BRDT: variants seen among roughly 807,000 people sequenced by gnomAD.
BRDT encodes bromodomain testis-specific protein.
Under a neutral mutation model 113.9 loss-of-function variants are expected in BRDT, and 77 were observed. The observed-to-expected ratio is 0.68, with a 90% CI of 0.56 to 0.82. The LOEUF (loss-of-function observed/expected upper bound fraction) is 0.82, where lower values mean the gene tolerates loss of function less well. Among genes scored for constraint, BRDT ranks in the 40% least tolerant of loss-of-function variants. The pLI, the probability that BRDT is intolerant of heterozygous loss-of-function variation, is 0.00. For synonymous variants in BRDT, 358 were observed against 366.5 expected (o/e 0.98, Z 0.26); for missense variants, 1,027 against 1,105.4 (o/e 0.93, Z 1.01).
At chr1:91,983,763 C>T (rs1189368587) in intron 12 of BRDT, among the ~76,000 whole-genome samples, 1 of 150,494 alleles carries the variant, frequency 6.6e-6, no homozygotes, top group African/African-American at 2.4e-5. Context: ...ATTGTGGCCT[C>T]CTCCGCCTCC....
intron 3 of BRDT, among the ~76,000 whole-genome samples, chr1:91,965,895 C>T (rs1253133925): frequency 6.6e-6 from 1 of 152,020 alleles, no homozygotes; most frequent in Non-Finnish European, 1.5e-5. Flanking sequence ...TTGATTCTCC[C>T]TTTTGCCTTT....
chr1:91,960,134 G>GA (rs1682271318), intron 1 of BRDT, among the ~76,000 whole-genome samples: 1 of 152,148 alleles, frequency 6.6e-6, no homozygotes, highest in Non-Finnish European at 1.5e-5. Context: ...TGGAAAATGG[G>GA]ATGGGCTTCC....
intron 12 of BRDT, among the ~76,000 whole-genome samples, chr1:91,986,733 T>C (rs1685276286): frequency 1.3e-5 from 2 of 152,312 alleles, no homozygotes; most frequent in East Asian, 1.9e-4. Context: ...AGGTCTTCTA[T>C]AGACATGACA....
At chr1:91,990,185 G>A (rs957305213) in intron 12 of BRDT, among the ~76,000 whole-genome samples, 1 of 152,170 alleles carries the variant, frequency 6.6e-6, no homozygotes, top group African/African-American at 2.4e-5. Context: ...CCGTGTTGGA[G>A]AGATCTCTTT....
At chr1:92,005,449 C>A in intron 18 of BRDT, 150 bp downstream of exon 18, 3 of 689,544 alleles carry the variant, frequency 4.4e-6, no homozygotes, top group Middle Eastern at 4.5e-4. Flanking sequence ...AAAATTAAAG[C>A]TTAAAATAAA....
rs61781560 is a variant in BRDT at position 91,998,344 on chromosome 1, T to A, written c.2288-3705T>A. Among the ~76,000 whole-genome samples, 486 of 151,572 alleles carry A rather than the reference T, an allele frequency of 3.2e-3. 2 individuals are homozygous for A. Among genetic ancestry groups the A allele is most frequent in the Admixed American group, 6.0e-3 (91 of 15,184 alleles). ...ACACAGGGAGGGGAACATCACACAC[T>A]GGGGCCTGTTGGGGGATGGGGGGCT... On this transcript the variant is annotated intron_variant, in intron 15 of 18. Coordinates refer to ENST00000399546, the MANE Select transcript of BRDT (RefSeq NM_207189.4).
chr1:91,976,222 A>G (rs762818959), intron 4 of BRDT, 44 bp from the exon 5 acceptor site: 6 of 1,506,524 alleles, frequency 4.0e-6, no homozygotes, highest in Non-Finnish European at 5.3e-6. Flanking sequence ...GGTATTTTGT[A>G]CTTTATTCAT....
Position 91,979,582 on chromosome 1 carries a change from C to T in BRDT, c.1112C>T (p.Thr371Met), listed in dbSNP as rs781291733. The T allele has an allele frequency of 2.5e-6, 4 of 1,606,414 alleles. No homozygotes were observed. The highest frequency in any genetic ancestry group is 1.1e-5 in the South Asian group (1 of 88,678). The change falls in exon 8 of 19, where the codon ACG (threonine) becomes ATG (methionine). Residue 371 changes from threonine (T) to methionine (M), a missense_variant. Coordinates refer to ENST00000399546, the MANE Select transcript of BRDT (RefSeq NM_207189.4). ...MARMLQDVFETHFSKIPIEPV... is the reference protein window; with the variant it reads ...MARMLQDVFEMHFSKIPIEPV... ...TTTTCATTACAGGATGTTTTCGAAA[C>T]GCATTTTTCAAAGATCCCGATTGAA...
intron 12 of BRDT, among the ~76,000 whole-genome samples, chr1:91,985,349 C>T (rs1327223596): frequency 6.6e-6 from 1 of 152,076 alleles, no homozygotes; most frequent in Non-Finnish European, 1.5e-5. Context: ...CATGAGCCAC[C>T]GCGCCTGGCA....
At chr1:91,980,335 GGGT>G (rs1684598537) in intron 8 of BRDT, among the ~76,000 whole-genome samples, 5 of 15,934 alleles carry the variant, frequency 3.1e-4, no homozygotes, top group Admixed American at 3.0e-3. Flanking sequence ...ACTCCCACCT[GGGT>G]GACAGAGCAA....
chr1:92,000,042 A>C (rs1686695518), intron 15 of BRDT, among the ~76,000 whole-genome samples: 1 of 152,120 alleles, frequency 6.6e-6, no homozygotes, highest in African/African-American at 2.4e-5. Context: ...TGCCCAGCTA[A>C]GTTGTTATTT....
chr1:91,998,670 A>G (rs897980786), intron 15 of BRDT, among the ~76,000 whole-genome samples: 1 of 152,240 alleles, frequency 6.6e-6, no homozygotes, highest in Non-Finnish European at 1.5e-5. Context: ...GAAAGAACCT[A>G]AAGTGAAGTT....
intron 3 of BRDT, among the ~76,000 whole-genome samples, chr1:91,966,062 G>A (rs922267042): frequency 6.6e-6 from 1 of 151,720 alleles, no homozygotes; most frequent in Non-Finnish European, 1.5e-5. Context: ...ATGGAGTCTC[G>A]CTCTGTTGCC....
chr1:91,970,123 C>T, intron 4 of BRDT, among the ~76,000 whole-genome samples: 1 of 151,880 alleles, frequency 6.6e-6, no homozygotes, highest in East Asian at 1.9e-4. Context: ...AGCTGCTGCA[C>T]CTGGCCTACA....
At chr1:91,974,646 G>C (rs1465583901) in intron 4 of BRDT, among the ~76,000 whole-genome samples, 1 of 152,170 alleles carries the variant, frequency 6.6e-6, no homozygotes, top group Non-Finnish European at 1.5e-5. Context: ...GTGCTGGAGA[G>C]GATGTGGAGA....
At chr1:91,981,484 A>G (rs1272941059) in intron 11 of BRDT, 103 bp downstream of exon 11, 7 of 1,515,958 alleles carry the variant, frequency 4.6e-6, no homozygotes, top group Non-Finnish European at 4.5e-6. Flanking sequence ...GCCTCATGTG[A>G]TCCTCCACCT....
At chr1:91,985,114 C>G (rs1445617449) in intron 12 of BRDT, among the ~76,000 whole-genome samples, 5 of 152,128 alleles carry the variant, frequency 3.3e-5, no homozygotes, top group Admixed American at 6.5e-5. Context: ...CGGAGTCTCA[C>G]TCTGTCGCCC....
intron 11 of BRDT, 103 bp downstream of exon 11, chr1:91,981,484 A>T: frequency 6.6e-7 from 1 of 1,516,076 alleles, no homozygotes. Flanking sequence ...GCCTCATGTG[A>T]TCCTCCACCT....
Position 91,979,760 on chromosome 1 carries a change from A to G in BRDT, c.1287+3A>G. On this transcript the variant is annotated splice_donor_region_variant and intron_variant, in intron 8 of 18. Coordinates refer to ENST00000399546, the MANE Select transcript of BRDT (RefSeq NM_207189.4). ...GTCTTGCAAAGCTTCAGGAGCAGGT[A>G]GTTGATTGTATTGATACAAATTTTG... is the stretch of plus-strand genomic sequence containing the variant. 3 of 1,595,204 alleles carry G rather than the reference A, an allele frequency of 1.9e-6. No homozygotes were observed. The highest frequency in any genetic ancestry group is 2.6e-6 in the Non-Finnish European group (3 of 1,174,826).
Sources: allele counts gnomAD v4.1 joint callset (sites outside exome capture counted in the v4.1 genomes callset), GRCh38; gene constraint gnomAD v4.1.1; transcripts MANE v1.5; gene names NCBI Gene and HGNC (gene_info 2026-07-23, HGNC 2026-07-21).